The following CENPP variants were observed in gnomAD, a reference collection of about 807,000 sequenced individuals.
CENPP encodes the protein centromere protein P.
CENPP carries 24 observed loss-of-function variants against 35.6 expected under a neutral mutation model. The observed-to-expected ratio is 0.67, with a 90% CI of 0.49 to 0.95. The LOEUF is 0.95. Among genes scored for constraint, CENPP ranks in the 40% least tolerant of loss-of-function variants. The pLI, the probability that CENPP is intolerant of heterozygous loss-of-function variation, is 0.00. For missense variants in CENPP, 332 were observed against 345.3 expected (o/e 0.96, Z 0.31); for synonymous variants, 120 against 125.5 (o/e 0.96, Z 0.29).
chr9:92,434,279 C>G (rs1457595668), intron 5 of CENPP, among the ~76,000 whole-genome samples: 1 of 151,586 alleles, frequency 6.6e-6, no homozygotes, highest in Non-Finnish European at 1.5e-5. Flanking sequence ...GTCCCAGCCA[C>G]TCGGGAGGCT....
chr9:92,390,876 C>G (rs1009776692), intron 5 of CENPP, among the ~76,000 whole-genome samples: 1 of 152,086 alleles, frequency 6.6e-6, no homozygotes, highest in Non-Finnish European at 1.5e-5. Flanking sequence ...CTGAACAAAC[C>G]TTATCTAACA....
intron 5 of CENPP, among the ~76,000 whole-genome samples, chr9:92,551,386 G>GGACTGTAGTGGCACAACCATGGCT (rs1371239962): frequency 2.0e-5 from 3 of 152,056 alleles, no homozygotes; most frequent in Non-Finnish European, 4.4e-5. Flanking sequence ...CACCCAAGCT[G>GGACTGTAGTGGCACAACCATGGCT]GACTGTAGTG....
intron 5 of CENPP, among the ~76,000 whole-genome samples, chr9:92,580,251 G>A (rs1182457724): frequency 9.2e-5 from 14 of 152,216 alleles, no homozygotes; most frequent in Non-Finnish European, 1.9e-4. Context: ...AAGGATATTG[G>A]TCTAAAATTC....
chr9:92,550,872 ACAGCCCGCCACACTTTTCTACCCTATGC>A (rs1031342666), intron 5 of CENPP, among the ~76,000 whole-genome samples: 7 of 152,140 alleles, frequency 4.6e-5, no homozygotes, highest in African/African-American at 1.7e-4. Context: ...GAGCCAGTAC[ACAGCCCGCCACACTTTTCTACCCTATGC>A]CATGACCTAC....
intron 1 of CENPP, among the ~76,000 whole-genome samples, chr9:92,327,952 A>G (rs1021322051): frequency 2.6e-5 from 4 of 152,142 alleles, no homozygotes; most frequent in Non-Finnish European, 5.9e-5. Context: ...TACGATCTCT[A>G]TTTTAACATT....
intron 5 of CENPP, among the ~76,000 whole-genome samples, chr9:92,491,171 A>G (rs1289392205): frequency 1.3e-5 from 2 of 152,244 alleles, no homozygotes; most frequent in African/African-American, 4.8e-5. Context: ...ATACACAAAA[A>G]AGTAATCAAT....
chr9:92,333,746 G>A (rs1348053286), intron 2 of CENPP, among the ~76,000 whole-genome samples: 3 of 151,454 alleles, frequency 2.0e-5, no homozygotes, highest in Non-Finnish European at 4.4e-5. Context: ...TTATTTTTTC[G>A]AGATGGAGTT....
At chr9:92,611,283 A>G (rs193252231) in intron 5 of CENPP, 31 bp from the exon 6 acceptor site, 2 of 1,577,342 alleles carry the variant, frequency 1.3e-6, no homozygotes, top group East Asian at 2.2e-5. Context: ...CCACCAGTGG[A>G]TCTGTCTACC....
chr9:92,575,188 T>G (rs1392656253), intron 5 of CENPP, among the ~76,000 whole-genome samples: 3 of 152,216 alleles, frequency 2.0e-5, no homozygotes, highest in Non-Finnish European at 4.4e-5. Flanking sequence ...ATAGTCAACT[T>G]AAGGAGAAGA....
chr9:92,343,055 G>A (rs1282931985), intron 3 of CENPP, among the ~76,000 whole-genome samples: 3 of 152,104 alleles, frequency 2.0e-5, no homozygotes, highest in Admixed American at 2.0e-4. Flanking sequence ...AGAGGGAGAG[G>A]TTTAGCTATC....
chr9:92,612,996 C>A (rs760216125), intron 7 of CENPP, 23 bp from the exon 8 acceptor site: 5 of 1,613,418 alleles, frequency 3.1e-6, no homozygotes, highest in Non-Finnish European at 4.2e-6. Context: ...AGTTTCTTAC[C>A]CGGTTTAATG....
chr9:92,392,580 A>G (rs1842730366), intron 5 of CENPP, among the ~76,000 whole-genome samples: 1 of 150,462 alleles, frequency 6.6e-6, no homozygotes, highest in South Asian at 2.1e-4. Context: ...ACGCCACTCT[A>G]CTCCAGCCTG....
intron 5 of CENPP, among the ~76,000 whole-genome samples, chr9:92,391,673 A>C (rs2130898860): frequency 6.6e-6 from 1 of 152,274 alleles, no homozygotes; most frequent in South Asian, 2.1e-4. Flanking sequence ...AAATGTGAAA[A>C]ACATGTCGTT....
At chr9:92,569,311 T>C (rs1182208309) in intron 5 of CENPP, among the ~76,000 whole-genome samples, 1 of 152,240 alleles carries the variant, frequency 6.6e-6, no homozygotes, top group Admixed American at 6.5e-5. Flanking sequence ...CTAGCCAGTT[T>C]TCCCAGCACC....
intron 3 of CENPP, among the ~76,000 whole-genome samples, chr9:92,338,528 T>TAA (rs1841004480): frequency 6.6e-6 from 1 of 152,194 alleles, no homozygotes; most frequent in Non-Finnish European, 1.5e-5. Context: ...ATGAAATAGT[T>TAA]ACTATAGTAT....
chr9:92,575,091 A>T (rs960028120), intron 5 of CENPP, among the ~76,000 whole-genome samples: 2 of 152,206 alleles, frequency 1.3e-5, no homozygotes, highest in African/African-American at 4.8e-5. Context: ...TACATGTAAA[A>T]CCTAAAAGTA....
intron 5 of CENPP, among the ~76,000 whole-genome samples, chr9:92,442,226 C>T (rs1474438066): frequency 1.3e-5 from 2 of 151,668 alleles, no homozygotes. Context: ...GGAGAAACCC[C>T]GTCTCTACTA....
intron 5 of CENPP, among the ~76,000 whole-genome samples, chr9:92,463,637 G>C (rs1845196261): frequency 6.6e-6 from 1 of 152,068 alleles, no homozygotes. Context: ...TCTTTTCCTT[G>C]TCTTCACTCT....
intron 4 of CENPP, among the ~76,000 whole-genome samples, chr9:92,375,592 G>A (rs1193273503): frequency 2.0e-5 from 3 of 152,044 alleles, no homozygotes; most frequent in Non-Finnish European, 2.9e-5. Flanking sequence ...CACCGCGCCC[G>A]GCCATTTTTA....
Sources: allele counts gnomAD v4.1 joint callset (sites outside exome capture counted in the v4.1 genomes callset), GRCh38; gene constraint gnomAD v4.1.1; transcripts MANE v1.5; gene names NCBI Gene and HGNC (gene_info 2026-07-23, HGNC 2026-07-21).